MAST4: variants seen among roughly 807,000 people sequenced by gnomAD.
The protein encoded by MAST4 is microtubule associated serine/threonine kinase family member 4.
In MAST4, 89 loss-of-function variants were observed where a neutral mutation model predicts 162.7. The ratio of observed to expected loss-of-function variants is 0.55; its 90% CI spans 0.46 to 0.65. The LOEUF (loss-of-function observed/expected upper bound fraction) is 0.65, where lower values mean the gene tolerates loss of function less well. Ranked by LOEUF, MAST4 falls within the 30% of genes least tolerant of loss-of-function variation. The pLI, the probability that MAST4 is intolerant of heterozygous loss-of-function variation, is 0.00. For missense variants in MAST4, 3,153 were observed against 3,374.0 expected (o/e 0.93, Z 1.62); for synonymous variants, 1,479 against 1,361.1 (o/e 1.09, Z -1.91).
At chr5:66,741,667 G>A (rs1752483256) in intron 1 of MAST4, among the ~76,000 whole-genome samples, 1 of 152,126 alleles carries the variant, frequency 6.6e-6, no homozygotes, top group Non-Finnish European at 1.5e-5. Context: ...CCTCTCAACA[G>A]TGGACTCTAA....
chr5:66,607,987 T>C (rs1008165511), intron 1 of MAST4, among the ~76,000 whole-genome samples: 3 of 152,192 alleles, frequency 2.0e-5, no homozygotes, highest in Admixed American at 2.0e-4. Context: ...CACGATGTTC[T>C]GATATGTATA....
At chr5:67,130,603 T>A (rs1561694313) in intron 15 of MAST4, among the ~76,000 whole-genome samples, 185 bp downstream of exon 15, 1 of 152,166 alleles carries the variant, frequency 6.6e-6, no homozygotes, top group Non-Finnish European at 1.5e-5. Flanking sequence ...TGCTCTACTA[T>A]AACAAAGAGA....
chr5:67,008,167 T>G (rs1752264982), intron 4 of MAST4, among the ~76,000 whole-genome samples: 1 of 152,214 alleles, frequency 6.6e-6, no homozygotes, highest in Non-Finnish European at 1.5e-5. Context: ...AGTACAGCCA[T>G]TCACCTGCTG....
chr5:66,913,358 A>G (rs1329306804), intron 4 of MAST4, among the ~76,000 whole-genome samples: 1 of 152,146 alleles, frequency 6.6e-6, no homozygotes, highest in Non-Finnish European at 1.5e-5. Context: ...AAAACTTTAC[A>G]TAACTAGAGT....
intron 4 of MAST4, among the ~76,000 whole-genome samples, chr5:66,906,201 T>C (rs1397122769): frequency 6.6e-6 from 1 of 152,202 alleles, no homozygotes; most frequent in Non-Finnish European, 1.5e-5. Flanking sequence ...TAACGTCAGC[T>C]GGTCGGTTGT....
rs532105293 is a variant in MAST4 at position 66,956,346 on chromosome 5, G to A, written c.674+56364G>A. On this transcript the variant is annotated intron_variant, in intron 4 of 28. Transcript: ENST00000403625. Reference sequence around the variant, plus strand: ...TCTTTTTGGTAAGACTACTTCATGTGTGTTGTCTTGAGAAGTTCACAACGT... The same window carrying A: ...TCTTTTTGGTAAGACTACTTCATGTATGTTGTCTTGAGAAGTTCACAACGT... Among the ~76,000 whole-genome samples the A allele has an allele frequency of 3.4e-4, 52 of 152,120 alleles. 1 individual carries two copies. The South Asian group carries it at 0.011, about 32-fold the overall frequency.
intron 1 of MAST4, among the ~76,000 whole-genome samples, chr5:66,740,743 C>T (rs906713007): frequency 1.1e-4 from 16 of 152,174 alleles, no homozygotes. Context: ...GGATCAGGTA[C>T]AGTCGTCGCT....
intron 1 of MAST4, among the ~76,000 whole-genome samples, chr5:66,653,512 C>T (rs1746359399): frequency 6.6e-6 from 1 of 152,200 alleles, no homozygotes; most frequent in Non-Finnish European, 1.5e-5. Context: ...GTAAATACTT[C>T]AGTGTTGCAT....
At chr5:66,857,364 A>G (rs558329230) in intron 3 of MAST4, among the ~76,000 whole-genome samples, 13 of 152,338 alleles carry the variant, frequency 8.5e-5, no homozygotes, top group Admixed American at 8.5e-4. Flanking sequence ...ACTTCAGTGG[A>G]CATCCATGTG....
chr5:67,065,380 C>T (rs1305522456), intron 5 of MAST4, among the ~76,000 whole-genome samples: 25 of 152,298 alleles, frequency 1.6e-4, no homozygotes, highest in Non-Finnish European at 1.0e-4. Context: ...AGGTTTATCT[C>T]TGAATTTGAG....
At chr5:66,959,216 G>T (rs1353655299) in intron 4 of MAST4, 6 of 779,502 alleles carry the variant, frequency 7.7e-6, no homozygotes, top group Non-Finnish European at 1.2e-5. Context: ...GTGTGTCATG[G>T]TTACAATAGA....
intron 4 of MAST4, among the ~76,000 whole-genome samples, chr5:66,909,124 T>G (rs1763573877): frequency 6.6e-6 from 1 of 152,146 alleles, no homozygotes; most frequent in Non-Finnish European, 1.5e-5. Flanking sequence ...GCCAGATCAT[T>G]GGAGTAGCAT....
intron 4 of MAST4, among the ~76,000 whole-genome samples, chr5:66,922,298 G>A (rs1201655152): frequency 6.6e-6 from 1 of 152,154 alleles, no homozygotes; most frequent in Non-Finnish European, 1.5e-5. Flanking sequence ...CCATTTATTG[G>A]GATGAAGCCA....
At chr5:66,977,524 G>C (rs972757457) in intron 4 of MAST4, among the ~76,000 whole-genome samples, 1 of 152,100 alleles carries the variant, frequency 6.6e-6, no homozygotes, top group Non-Finnish European at 1.5e-5. Flanking sequence ...TACACATTTG[G>C]GGGGAAAAGA....
intron 4 of MAST4, among the ~76,000 whole-genome samples, chr5:67,033,076 T>C (rs1339444636): frequency 6.6e-6 from 1 of 151,864 alleles, no homozygotes; most frequent in Non-Finnish European, 1.5e-5. Context: ...ATACTTAAAA[T>C]AAATAGAAAC....
intron 1 of MAST4, among the ~76,000 whole-genome samples, chr5:66,743,718 G>C (rs1047542137): frequency 6.6e-6 from 1 of 152,226 alleles, no homozygotes; most frequent in African/African-American, 2.4e-5. Flanking sequence ...CAGAAACCCA[G>C]TCAGATAGAA....
intron 21 of MAST4, among the ~76,000 whole-genome samples, chr5:67,144,457 TACACAC>T (rs57996757): frequency 0.05 from 7,528 of 149,896 alleles, 240 homozygotes; most frequent in Non-Finnish European, 0.069. Flanking sequence ...CGTATATATG[TACACAC>T]ACACACACAC....
At chr5:66,697,540 T>A (rs748172013) in intron 1 of MAST4, among the ~76,000 whole-genome samples, 1 of 152,198 alleles carries the variant, frequency 6.6e-6, no homozygotes, top group Non-Finnish European at 1.5e-5. Context: ...CAACCACATG[T>A]GTCTGTGCAA....
At chr5:67,058,048 G>C (rs1220426015) in intron 5 of MAST4, among the ~76,000 whole-genome samples, 1 of 151,844 alleles carries the variant, frequency 6.6e-6, no homozygotes, top group African/African-American at 2.4e-5. Context: ...GAGCCTAGAT[G>C]ACATAGTGAG....
Sources: gnomAD v4.1 joint callset for allele counts (sites outside exome capture counted in the v4.1 genomes callset) on GRCh38, gnomAD v4.1.1 for gene constraint, MANE v1.5 for transcripts, NCBI Gene and HGNC (gene_info 2026-07-23, HGNC 2026-07-21) for gene names.